The following IL15 variants were observed in gnomAD, a reference collection of about 807,000 sequenced individuals.
IL15 encodes interleukin 15, also known as interleukin-15.
Under a neutral mutation model 19.6 loss-of-function variants are expected in IL15, and 11 were observed. That is an observed-to-expected ratio of 0.56 (90% CI 0.35 to 0.93). IL15 has a LOEUF of 0.93. Ranked by LOEUF, IL15 falls within the 40% of genes least tolerant of loss-of-function variation. IL15 has a pLI of 0.01. For synonymous variants in IL15, 58 were observed against 59.6 expected (o/e 0.97, Z 0.12); for missense variants, 197 against 186.5 (o/e 1.06, Z -0.33).
chr4:141,722,079 G>T, intron 5 of IL15, 71 bp downstream of exon 5: 1 of 1,448,126 alleles, frequency 6.9e-7, no homozygotes, highest in Admixed American at 2.0e-5. Context: ...GTGTTTTTCT[G>T]TCTGTCTTAA....
At chr4:141,726,543 C>A (rs1334678408) in intron 5 of IL15, among the ~76,000 whole-genome samples, 1 of 152,104 alleles carries the variant, frequency 6.6e-6, no homozygotes, top group African/African-American at 2.4e-5. Flanking sequence ...TTGGCAGCAT[C>A]CTATGAAACA....
At chr4:141,681,222 C>T (rs111476108) in intron 2 of IL15, among the ~76,000 whole-genome samples, 10 of 151,492 alleles carry the variant, frequency 6.6e-5, no homozygotes, top group East Asian at 1.9e-4. Context: ...ATATAAGATG[C>T]GCTGTGAAAC....
intron 2 of IL15, among the ~76,000 whole-genome samples, chr4:141,702,268 C>T (rs1362509669): frequency 6.6e-6 from 1 of 152,196 alleles, no homozygotes; most frequent in South Asian, 2.1e-4. Context: ...TGTTCTCTCC[C>T]TTCCCCTAAA....
At position 141,701,852 on chromosome 4, in the gene IL15, G is replaced by A. The variant is rs536929100; in HGVS notation, c.-99-17514G>A. Among the ~76,000 whole-genome samples the A allele has an allele frequency of 2.0e-4, 30 of 152,264 alleles. No homozygotes were observed. In the South Asian group the frequency reaches 6.0e-3, roughly 31 times the overall value. On this transcript the variant is annotated intron_variant, in intron 2 of 7. Transcript: ENST00000320650. Reference sequence around the variant, plus strand: ...GTGTTCTGGCTATTCAGATCATACGGGCACCTCTTTTCATGTGTAGGAATG... The same window carrying A: ...GTGTTCTGGCTATTCAGATCATACGAGCACCTCTTTTCATGTGTAGGAATG...
At chr4:141,728,871 G>C (rs1449275234) in intron 6 of IL15, among the ~76,000 whole-genome samples, 1 of 152,084 alleles carries the variant, frequency 6.6e-6, no homozygotes, top group Non-Finnish European at 1.5e-5. Context: ...ACCAAATTCA[G>C]CATCCTGAAA....
chr4:141,642,830 G>A (rs1164983226), intron 1 of IL15, among the ~76,000 whole-genome samples: 1 of 152,124 alleles, frequency 6.6e-6, no homozygotes. Context: ...TTTAATGTCT[G>A]TAAACTCATT....
At position 141,663,814 on chromosome 4, in the gene IL15, T is replaced by G. The variant is rs1045736831; in HGVS notation, c.-100+7507T>G. 2.0e-5 allele frequency among the ~76,000 whole-genome samples: 3 copies of G among 152,302 alleles called. No homozygotes were observed. The East Asian group carries it at 5.8e-4, about 29-fold the overall frequency. ...TATGACCTGCCTTGAGGAAGAGGGC[T>G]TCTAGTTTCCGCAGCTCTCCTTGGG... is the stretch of plus-strand genomic sequence containing the variant. On this transcript the variant is annotated intron_variant, in intron 2 of 7. Coordinates refer to ENST00000320650, the MANE Select transcript of IL15 (RefSeq NM_000585.5).
intron 1 of IL15, among the ~76,000 whole-genome samples, chr4:141,641,717 G>A (rs1727050782): frequency 6.6e-6 from 1 of 150,456 alleles, no homozygotes; most frequent in African/African-American, 2.4e-5. Context: ...GGGAGGGATA[G>A]CATTAGGAGA....
At chr4:141,678,605 ATT>A (rs5862541) in intron 2 of IL15, among the ~76,000 whole-genome samples, 18,321 of 126,510 alleles carry the variant, frequency 0.14, 1,182 homozygotes, top group Non-Finnish European at 0.18. Context: ...GATTTCGTTG[ATT>A]TTTTTTTTTT....
intron 1 of IL15, among the ~76,000 whole-genome samples, chr4:141,642,630 C>T (rs1379569425): frequency 1.3e-5 from 2 of 152,198 alleles, no homozygotes; most frequent in Non-Finnish European, 2.9e-5. Flanking sequence ...GCAGTCTCCT[C>T]TTCTAGCCTC....
Position 141,719,393 on chromosome 4 carries a change from G to A in IL15, c.-72G>A, listed in dbSNP as rs1729997036. ...TGTATTGTAGGAGGCATTGTGGATG[G>A]ATGGCTGCTGGAAACCCCTTGCCAT... On this transcript the variant is annotated 5_prime_UTR_variant, in exon 3 of 8. Coordinates refer to ENST00000320650, the MANE Select transcript of IL15 (RefSeq NM_000585.5). 5.4e-6 allele frequency: 4 copies of A among 739,050 alleles called. No homozygotes were observed. The highest frequency in any genetic ancestry group is 4.0e-5 in the Admixed American group (2 of 50,470). 45.8% of individuals were successfully genotyped at this position (739,050 alleles called of 1,614,324 possible). A position where few individuals can be genotyped will look rare whatever the true frequency, so the allele number is the denominator to read the frequency against.
Position 141,732,821 on chromosome 4 carries a change from T to G in IL15, c.462T>G (p.Ile154Met). The G allele has an allele frequency of 6.2e-7, 1 of 1,609,828 alleles. No homozygotes were observed. Residue 154 changes from isoleucine to methionine, a missense_variant, in exon 8 of 8, where the codon ATT becomes ATG. Ile to Met is a conservative substitution (Grantham distance 10). Transcript: ENST00000320650. Reference sequence around the variant, plus strand: ...AATTTTTGCAGAGTTTTGTACATATTGTCCAAATGTTCATCAACACTTCTT... The same window carrying G: ...AATTTTTGCAGAGTTTTGTACATATGGTCCAAATGTTCATCAACACTTCTT... ...IKEFLQSFVHIVQMFINTS is the reference protein window; with the variant it reads ...IKEFLQSFVHMVQMFINTS
chr4:141,707,035 A>G lies in IL15; in HGVS notation c.-99-12331A>G, dbSNP rs185227840. On this transcript the variant is annotated intron_variant, in intron 2 of 7. Coordinates refer to ENST00000320650, the MANE Select transcript of IL15 (RefSeq NM_000585.5). ...AATTTCTTCTTCCTCTGGCATTCCT[A>G]TAATGTGAATATTTGTTTGCCTAAT... 3.1e-4 allele frequency among the ~76,000 whole-genome samples: 47 copies of G among 152,270 alleles called. 1 individual carries two copies. The highest frequency in any genetic ancestry group is 2.4e-3 in the Admixed American group (37 of 15,300).
At chr4:141,732,098 A>T (rs1414905615) in intron 7 of IL15, among the ~76,000 whole-genome samples, 1 of 152,192 alleles carries the variant, frequency 6.6e-6, no homozygotes, top group Non-Finnish European at 1.5e-5. Context: ...TAATATGAAT[A>T]GAATACATGA....
intron 1 of IL15, among the ~76,000 whole-genome samples, chr4:141,649,606 G>T (rs891673837): frequency 3.3e-5 from 5 of 152,044 alleles, no homozygotes; most frequent in African/African-American, 1.2e-4. Context: ...TAAAACAAAT[G>T]GGAGAGCTCA....
At chr4:141,657,210 A>G (rs1328441744) in intron 2 of IL15, among the ~76,000 whole-genome samples, 1 of 152,186 alleles carries the variant, frequency 6.6e-6, no homozygotes, top group Admixed American at 6.5e-5. Context: ...GTAAAAATAT[A>G]ATATAAAAGA....
At chr4:141,727,607 A>G (rs1362441314) in intron 5 of IL15, among the ~76,000 whole-genome samples, 6 of 152,130 alleles carry the variant, frequency 3.9e-5, no homozygotes, top group Admixed American at 3.9e-4. Context: ...ATCTATGCAA[A>G]TGATAAAATT....
chr4:141,669,776 ATTTT>A (rs3075127), intron 2 of IL15, among the ~76,000 whole-genome samples: 7 of 149,124 alleles, frequency 4.7e-5, no homozygotes, highest in African/African-American at 1.5e-4. Context: ...TATTCTTTGT[ATTTT>A]TTTTTTTTTA....
intron 1 of IL15, among the ~76,000 whole-genome samples, chr4:141,648,717 A>G (rs2152154574): frequency 6.6e-6 from 1 of 152,144 alleles, no homozygotes. Context: ...CTAAAACTGG[A>G]AAGATGTGAT....
Sources: allele counts gnomAD v4.1 joint callset (sites outside exome capture counted in the v4.1 genomes callset), GRCh38; gene constraint gnomAD v4.1.1; transcripts MANE v1.5; gene names NCBI Gene and HGNC (gene_info 2026-07-23, HGNC 2026-07-21).